GAS6: variants seen among roughly 807,000 people sequenced by gnomAD.
GAS6 encodes growth arrest-specific protein 6.
In GAS6, 41 loss-of-function variants were observed where a neutral mutation model predicts 75.8. The observed-to-expected ratio is 0.54, with a 90% CI of 0.42 to 0.70. The LOEUF (loss-of-function observed/expected upper bound fraction) is 0.70, where lower values mean the gene tolerates loss of function less well. GAS6 is among the 30% of genes least tolerant of loss of function. The pLI, the probability that GAS6 is intolerant of heterozygous loss-of-function variation, is 0.00. For missense variants in GAS6, 854 were observed against 940.2 expected (o/e 0.91, Z 1.20); for synonymous variants, 432 against 412.6 (o/e 1.05, Z -0.57).
intron 12 of GAS6, among the ~76,000 whole-genome samples, chr13:113,824,752 C>T (rs146566604): frequency 3.4e-5 from 5 of 146,894 alleles, no homozygotes; most frequent in African/African-American, 1.3e-4. Flanking sequence ...CCTGCCTGTC[C>T]CTAGCTGGTA....
Position 113,863,580 on chromosome 13 carries a change from C to T in GAS6, c.250G>A (p.Glu84Lys), listed in dbSNP as rs2051990847. 6.6e-7 allele frequency: 1 copy of T among 1,513,840 alleles called. No homozygotes were observed. Among genetic ancestry groups the T allele is most frequent in the Non-Finnish European group, 8.8e-7 (1 of 1,133,690 alleles). The allele number at this position is 1,513,840 out of a possible 1,614,324, so 93.8% of individuals were successfully genotyped here. A position where few individuals can be genotyped will look rare whatever the true frequency, so the allele number is the denominator to read the frequency against. ...CCCGCCCGCCGGCTGCTCACCGTCT[C>T]GGGGTCGTTCTCGAACACCTCCCGC... ...EAREVFENDP[E>K]TDYFYPRYLD... Residue 84 changes from glutamate to lysine, a missense_variant, in exon 2 of 15, where the codon GAG becomes AAG. Transcript: ENST00000327773. This position sits in a 1 kb window ranked among gnomAD's most constrained non-coding sequence, Gnocchi z 9.4.
chr13:113,835,849 A>T, intron 6 of GAS6: 18 of 1,269,192 alleles, frequency 1.4e-5, no homozygotes, highest in Middle Eastern at 3.2e-4. Context: ...CCGGCTGGGA[A>T]GGCTGACTTC....
At chr13:113,847,969 A>G in intron 3 of GAS6, 57 bp downstream of exon 3, 2 of 1,500,732 alleles carry the variant, frequency 1.3e-6, no homozygotes, top group Admixed American at 1.7e-5. Context: ...AACATGAAAC[A>G]CGCACCCCCA....
At position 113,838,058 on chromosome 13, in the gene GAS6, C is replaced by T. The variant is rs1450509661; in HGVS notation, c.589+11G>A. The T allele has an allele frequency of 1.2e-6, 2 of 1,612,050 alleles. No individual in the cohort carries two copies. The highest frequency in any genetic ancestry group is 8.5e-7 in the Non-Finnish European group (1 of 1,179,776). Reference sequence around the variant, plus strand: ...AGGAGAGAGGAGAGAGGCCTCACCCCAGGGCCTTACCTTGGCAGGTCCTGC... The same window carrying T: ...AGGAGAGAGGAGAGAGGCCTCACCCTAGGGCCTTACCTTGGCAGGTCCTGC... On this transcript the variant is annotated intron_variant, in intron 6 of 14. Transcript: ENST00000327773.
intron 2 of GAS6, among the ~76,000 whole-genome samples, chr13:113,860,830 G>C (rs780654870): frequency 6.6e-6 from 1 of 152,172 alleles, no homozygotes; most frequent in Non-Finnish European, 1.5e-5. Context: ...GAAACCACAG[G>C]TGTGTGGGGA....
intron 2 of GAS6, among the ~76,000 whole-genome samples, chr13:113,850,268 T>G (rs916919562): frequency 6.6e-6 from 1 of 152,116 alleles, no homozygotes; most frequent in Non-Finnish European, 1.5e-5. Context: ...AGCCCTGCAT[T>G]AGCCATATCT....
At chr13:113,836,761 AGGAAGAGGGGGAGTGGGG>A in intron 6 of GAS6, among the ~76,000 whole-genome samples, 1 of 38,718 alleles carries the variant, frequency 2.6e-5, no homozygotes, top group Admixed American at 2.9e-4. Flanking sequence ...GAAGATGGGG[AGGAAGAGGGGGAGTGGGG>A]GGAGGAGGAG....
At chr13:113,850,047 G>T (rs996095662) in intron 2 of GAS6, among the ~76,000 whole-genome samples, 1 of 152,186 alleles carries the variant, frequency 6.6e-6, no homozygotes, top group African/African-American at 2.4e-5. Flanking sequence ...GTTGTCCTGA[G>T]AACATTCTGG....
chr13:113,828,709 G>C lies in GAS6; in HGVS notation c.1146C>G (p.Ile382Met). ...PVINHGMWQT[I>M]SVEELARNLV... ...GATTCCGCGCCAGCTCCTCAACAGA[G>C]ATCTGAAGAGAGGCAGCGCCATGAG... Residue 382 changes from isoleucine (I) to methionine (M), a missense_variant and splice_region_variant, in exon 11 of 15, where the codon ATC becomes ATG. Physicochemically the swap from Ile to Met is conservative, Grantham distance 10. Coordinates refer to ENST00000327773, the MANE Select transcript of GAS6 (RefSeq NM_000820.4). 6.2e-7 allele frequency: 1 copy of C among 1,612,896 alleles called. No individual in the cohort carries two copies. The highest frequency in any genetic ancestry group is 2.2e-5 in the East Asian group (1 of 44,880).
At chr13:113,849,020 T>G (rs6602909) in intron 2 of GAS6, among the ~76,000 whole-genome samples, 1 of 151,952 alleles carries the variant, frequency 6.6e-6, no homozygotes, top group South Asian at 2.1e-4. Context: ...TGGCTCTGCA[T>G]GGCCTTTCTG....
At chr13:113,834,210 G>A (rs1360951917) in intron 8 of GAS6, among the ~76,000 whole-genome samples, 2 of 149,832 alleles carry the variant, frequency 1.3e-5, no homozygotes, top group African/African-American at 2.5e-5. Context: ...GACAGGCCCC[G>A]GTGTGACAGG....
rs542864711 is a variant in GAS6 at position 113,823,203 on chromosome 13, C to T, written c.1653+172G>A. On this transcript the variant is annotated intron_variant, in intron 13 of 14. Transcript: ENST00000327773. The stretch of plus-strand genomic sequence containing the variant: ...CGGTGACCTGGTGTCCAAACAACCC[C>T]CGCAGCCCGAAGCGTGGCCCACGCC... 299 of 672,200 alleles carry T rather than the reference C, an allele frequency of 4.4e-4. 4 individuals carry two copies. The South Asian group carries it at 4.5e-3, about 10-fold the overall frequency. The allele number at this position is 672,200 out of a possible 1,614,324, so 41.6% of individuals were successfully genotyped here.
intron 4 of GAS6, chr13:113,842,670 G>A: frequency 7.6e-6 from 3 of 397,078 alleles, no homozygotes; most frequent in Non-Finnish European, 4.4e-6. Context: ...CAGGGCAGGC[G>A]GCCTGTGCAG....
At position 113,830,706 on chromosome 13, in the gene GAS6, CTCCCCA is replaced by C. The variant is rs1256963144; in HGVS notation, c.1143+1587_1143+1592del. On this transcript the variant is annotated intron_variant, in intron 10 of 14. Coordinates refer to ENST00000327773, the MANE Select transcript of GAS6 (RefSeq NM_000820.4). ...TCAGGCCACCTGCCCCGGGCCCCTC[CTCCCCA>C]TGGCTCCATCCCCTGCAACACCACT... Among the ~76,000 whole-genome samples, 102 of 120,240 alleles carry C rather than the reference CTCCCCA, an allele frequency of 8.5e-4. 15 individuals carry two copies. The highest frequency in any genetic ancestry group is 4.5e-3 in the South Asian group (11 of 2,452). 78.9% of individuals were successfully genotyped at this position (120,240 alleles called of 152,430 possible).
intron 12 of GAS6, among the ~76,000 whole-genome samples, chr13:113,824,939 T>C (rs2051515238): frequency 6.6e-6 from 1 of 152,094 alleles, no homozygotes; most frequent in African/African-American, 2.4e-5. Flanking sequence ...AAGCTCCCAG[T>C]CGGGCGTGGT....
At chr13:113,828,242 C>G (rs938465188) in intron 11 of GAS6, among the ~76,000 whole-genome samples, 3 of 151,812 alleles carry the variant, frequency 2.0e-5, no homozygotes, top group Admixed American at 2.0e-4. Context: ...CCAGCCTGGG[C>G]AACAGAGCAA....
intron 2 of GAS6, among the ~76,000 whole-genome samples, chr13:113,860,950 G>C (rs569113209): frequency 1.6e-4 from 24 of 152,306 alleles, no homozygotes; most frequent in African/African-American, 5.8e-4. Flanking sequence ...GCTTGGGGCA[G>C]TGGGACACGC....
intron 2 of GAS6, among the ~76,000 whole-genome samples, chr13:113,849,305 C>T (rs2051856742): frequency 6.6e-6 from 1 of 152,208 alleles, no homozygotes; most frequent in African/African-American, 2.4e-5. Context: ...CACACACCCT[C>T]ATGCCTGCCC....
At chr13:113,858,930 T>G (rs894206129) in intron 2 of GAS6, among the ~76,000 whole-genome samples, 1 of 148,006 alleles carries the variant, frequency 6.8e-6, no homozygotes, top group Non-Finnish European at 1.5e-5. Context: ...TGTTAGTATG[T>G]GTGTGCGTGT....
Sources: gnomAD v4.1 joint callset for allele counts (sites outside exome capture counted in the v4.1 genomes callset) on GRCh38, gnomAD v4.1.1 for gene constraint, Gnocchi (gnomAD v3.1) non-coding constraint, MANE v1.5 for transcripts, NCBI Gene and HGNC (gene_info 2026-07-23, HGNC 2026-07-21) for gene names.